The following CFH variants were observed in gnomAD, a reference collection of about 807,000 sequenced individuals.
CFH encodes H factor 1 (complement).
In CFH, 53 loss-of-function variants were observed where a neutral mutation model predicts 147.3. The observed-to-expected ratio is 0.36, with a 90% CI of 0.29 to 0.45. The LOEUF (loss-of-function observed/expected upper bound fraction) is 0.45, where lower values mean the gene tolerates loss of function less well. Ranked by LOEUF, CFH falls within the 20% of genes least tolerant of loss-of-function variation. The pLI is 1.00. For synonymous variants in CFH, 536 were observed against 489.4 expected, an observed-to-expected ratio of 1.10 and a Z score of -1.26; for missense variants, 1,380 against 1,498.0, an observed-to-expected ratio of 0.92 and a Z score of 1.30.
intron 1 of CFH, among the ~76,000 whole-genome samples, chr1:196,663,045 CT>C (rs1666962105): frequency 6.6e-6 from 1 of 152,094 alleles, no homozygotes. Flanking sequence ...ACCATTACTG[CT>C]TTTAAATTAA....
intron 10 of CFH, 63 bp downstream of exon 10, chr1:196,713,980 G>T: frequency 7.0e-7 from 1 of 1,428,074 alleles, no homozygotes; most frequent in Non-Finnish European, 9.9e-7. Flanking sequence ...ACTAACTTTA[G>T]TCTTTTTGTG....
At chr1:196,688,600 A>G (rs1343169989) in intron 7 of CFH, among the ~76,000 whole-genome samples, 3 of 152,004 alleles carry the variant, frequency 2.0e-5, no homozygotes, top group Admixed American at 1.3e-4. Context: ...AAAGAGCCTA[A>G]TTTATTTATT....
chr1:196,652,881 T>A (rs558743889), intron 1 of CFH, among the ~76,000 whole-genome samples: 1 of 152,004 alleles, frequency 6.6e-6, no homozygotes, highest in South Asian at 2.1e-4. Context: ...GGATTCATAA[T>A]AAAATTTAAT....
chr1:196,658,070 G>GA (rs1666765077), intron 1 of CFH, among the ~76,000 whole-genome samples: 1 of 151,908 alleles, frequency 6.6e-6, no homozygotes, highest in Admixed American at 6.6e-5. Flanking sequence ...ATTTGAAAGT[G>GA]AAAAAATTAG....
intron 15 of CFH, among the ~76,000 whole-genome samples, chr1:196,730,538 A>T (rs1669257895): frequency 6.6e-6 from 1 of 151,880 alleles, no homozygotes; most frequent in South Asian, 2.1e-4. Context: ...GCATTTGAGA[A>T]GAATATGTGT....
intron 1 of CFH, among the ~76,000 whole-genome samples, chr1:196,653,099 G>T (rs191536085): frequency 2.9e-4 from 44 of 151,662 alleles, no homozygotes; most frequent in East Asian, 1.7e-3. Flanking sequence ...AGGAACTGAA[G>T]AATATTAGCA....
chr1:196,712,045 T>C (rs1207370762), intron 9 of CFH, among the ~76,000 whole-genome samples: 1 of 152,148 alleles, frequency 6.6e-6, no homozygotes. Context: ...TTCTGCTGAA[T>C]TCTCCTTCTC....
intron 5 of CFH, chr1:196,677,996 T>G: frequency 5.8e-6 from 2 of 346,606 alleles, no homozygotes; most frequent in Non-Finnish European, 1.1e-5. Context: ...GTCCATGCTT[T>G]AACCATAACT....
chr1:196,671,987 G>A (rs1185061639), intron 1 of CFH, among the ~76,000 whole-genome samples: 1 of 151,520 alleles, frequency 6.6e-6, no homozygotes, highest in Non-Finnish European at 1.5e-5. Flanking sequence ...TTCAAATATG[G>A]CATGTTTTGA....
chr1:196,655,099 AC>A (rs201334865), intron 1 of CFH, among the ~76,000 whole-genome samples: 5,666 of 152,256 alleles, frequency 0.037, 310 homozygotes, highest in African/African-American at 0.11. Flanking sequence ...TACACTGAAT[AC>A]ATATTTTAGG....
intron 1 of CFH, among the ~76,000 whole-genome samples, chr1:196,665,336 AT>A (rs1222169056): frequency 6.6e-6 from 1 of 150,468 alleles, no homozygotes; most frequent in African/African-American, 2.4e-5. Context: ...CTTTTTTGAT[AT>A]TTATTCATAC....
rs184576608 is a variant in CFH, at chr1:196,734,023, A to T, written c.2414-2801A>T. Among the ~76,000 whole-genome samples, 437 of 152,028 alleles carry T rather than the reference A, an allele frequency of 2.9e-3. 2 individuals carry two copies. Among genetic ancestry groups the T allele is most frequent in the Middle Eastern group, 0.014 (4 of 294 alleles). On this transcript the variant is annotated intron_variant, in intron 15 of 21. Transcript: ENST00000367429. The stretch of plus-strand genomic sequence containing the variant: ...ACCATTTTTCCTGTGATCTAGAGAG[A>T]CTCTCATGTGTTTAATCTCCTCTGC...
intron 9 of CFH, among the ~76,000 whole-genome samples, chr1:196,712,501 A>T (rs1249895917): frequency 6.6e-6 from 1 of 151,840 alleles, no homozygotes; most frequent in Non-Finnish European, 1.5e-5. Context: ...TCAATTCAAA[A>T]TATTTAATGT....
chr1:196,698,027 A>G (rs1185967563), intron 9 of CFH, among the ~76,000 whole-genome samples: 1 of 131,910 alleles, frequency 7.6e-6, no homozygotes, highest in Non-Finnish European at 1.6e-5. Flanking sequence ...GGGGGGAGGG[A>G]TAGCATTAGG....
intron 9 of CFH, among the ~76,000 whole-genome samples, chr1:196,704,351 T>A (rs1413935446): frequency 6.6e-6 from 1 of 152,148 alleles, no homozygotes; most frequent in East Asian, 1.9e-4. Context: ...CTCCTTGGCC[T>A]CCCAAAGTGC....
Position 196,715,713 on chromosome 1 carries a change from C to T in CFH, c.1640C>T (p.Thr547Ile). Residue 547 changes from threonine to isoleucine, a missense_variant, in exon 11 of 22, where the codon ACC (threonine) becomes ATC (isoleucine). Physicochemically the swap from Thr to Ile is moderately conservative, Grantham distance 89. Coordinates refer to ENST00000367429, the MANE Select transcript of CFH (RefSeq NM_000186.4). Reference protein sequence around the residue: ...HDGYESNTGSTTGSIVCGYNG... With the variant: ...HDGYESNTGSITGSIVCGYNG... ...GGTTATGAAAGCAATACTGGAAGCA[C>T]CACTGGTTCCATAGTGTGTGGTTAC... The T allele has an allele frequency of 6.2e-7, 1 of 1,612,644 alleles. No individual in the cohort carries two copies. The highest frequency in any genetic ancestry group is 8.5e-7 in the Non-Finnish European group (1 of 1,179,058).
In CFH at chr1:196,689,458, C is replaced by G; in HGVS notation, c.1003C>G (p.Leu335Val). 2 of 1,613,240 alleles carry G rather than the reference C, an allele frequency of 1.2e-6. No individual in the cohort carries two copies. Among genetic ancestry groups the G allele is most frequent in the Non-Finnish European group, 1.7e-6 (2 of 1,179,560 alleles). ...TTATCCAGACATTAAACATGGAGGT[C>G]TATATCATGAGAATATGCGTAGACC... ...CDYPDIKHGG[L>V]YHENMRRPYF... is the part of the protein sequence containing the mutation. The change falls in exon 8 of 22, where the codon CTA (leucine) becomes GTA (valine). Residue 335 changes from leucine to valine, a missense_variant. Physicochemically the swap from Leu to Val is conservative, Grantham distance 32. Around this residue, in one of 4 missense-constraint regions of CFH, gnomAD observed 167 missense variants for 228.0 expected, o/e 0.73. Transcript: ENST00000367429.
rs2149103812 is a variant in CFH, at chr1:196,715,867, G to A, written c.1696+98G>A. 1.7e-5 allele frequency: 17 copies of A among 1,018,234 alleles called. No individual in the cohort carries two copies. In the South Asian group the frequency reaches 2.8e-4, roughly 16 times the overall value. 63.1% of individuals were successfully genotyped at this position (1,018,234 alleles called of 1,614,324 possible). ...TTATATAGAGGAATTGTTAAGGAAT[G>A]TTGATTAAAATCAAGATATCTCCTG... On this transcript the variant is annotated intron_variant, in intron 11 of 21. Transcript: ENST00000367429.
chr1:196,697,135 A>G (rs1668300515), intron 9 of CFH, among the ~76,000 whole-genome samples: 1 of 152,232 alleles, frequency 6.6e-6, no homozygotes, highest in South Asian at 2.1e-4. Flanking sequence ...CAATGGCAAC[A>G]CAAGCCAAAA....
Sources: allele counts gnomAD v4.1 joint callset (sites outside exome capture counted in the v4.1 genomes callset), GRCh38; gene constraint gnomAD v4.1.1; regional missense constraint gnomAD v4.1.1; transcripts MANE v1.5; gene names NCBI Gene and HGNC (gene_info 2026-07-23, HGNC 2026-07-21).